Variants in TMEM74 observed in about 807,000 individuals in gnomAD.
TMEM74 encodes transmembrane protein 74.
TMEM74 carries 13 observed loss-of-function variants against 18.1 expected under a neutral mutation model. The observed-to-expected ratio is 0.72, with a 90% CI of 0.47 to 1.14. The LOEUF (loss-of-function observed/expected upper bound fraction) is 1.14, where lower values mean the gene tolerates loss of function less well. Ranked by LOEUF, TMEM74 falls within the 50% of genes most tolerant of loss-of-function variation. The pLI is 0.00. For synonymous variants in TMEM74, 159 were observed against 146.6 expected (o/e 1.08, Z -0.61); for missense variants, 372 against 375.9 (o/e 0.99, Z 0.09).
chr8:108,622,263 T>G (rs1586236972), intron 2 of TMEM74, among the ~76,000 whole-genome samples: 2 of 152,072 alleles, frequency 1.3e-5, no homozygotes, highest in African/African-American at 2.4e-5. Flanking sequence ...CCACTACTGA[T>G]GGAACATGGG....
At chr8:108,717,038 A>C (rs902214393) in intron 1 of TMEM74, among the ~76,000 whole-genome samples, 37 of 152,196 alleles carry the variant, frequency 2.4e-4, no homozygotes, top group African/African-American at 8.7e-4. Flanking sequence ...ATAGCTCCAG[A>C]ACATGGGAAA....
intron 2 of TMEM74, among the ~76,000 whole-genome samples, chr8:108,631,309 C>A (rs1296759580): frequency 6.6e-6 from 1 of 151,920 alleles, no homozygotes; most frequent in African/African-American, 2.4e-5. Flanking sequence ...TGTGAAGGAA[C>A]ACAGCCTCCA....
intron 2 of TMEM74, among the ~76,000 whole-genome samples, chr8:108,644,339 T>C (rs1334374989): frequency 6.6e-6 from 1 of 152,126 alleles, no homozygotes; most frequent in Non-Finnish European, 1.5e-5. Flanking sequence ...TTTTACCAGA[T>C]GCAAAAATTA....
intron 1 of TMEM74, among the ~76,000 whole-genome samples, chr8:108,657,002 C>G (rs1812827013): frequency 6.6e-6 from 1 of 151,894 alleles, no homozygotes; most frequent in Non-Finnish European, 1.5e-5. Context: ...AAATGTAAAC[C>G]TCTTTTCTTT....
At chr8:108,667,114 A>G (rs988727564) in intron 1 of TMEM74, among the ~76,000 whole-genome samples, 1 of 152,124 alleles carries the variant, frequency 6.6e-6, no homozygotes, top group Non-Finnish European at 1.5e-5. Context: ...AAAAGAATCT[A>G]TGTGCTTTTC....
chr8:108,784,352 C>G lies in TMEM74; in HGVS notation c.747G>C (p.Leu249Phe), dbSNP rs1209569867. The G allele has an allele frequency of 6.2e-7, 1 of 1,614,066 alleles. No homozygotes were observed. Among genetic ancestry groups the G allele is most frequent in the Non-Finnish European group, 8.5e-7 (1 of 1,180,038 alleles). Reference protein sequence around the residue: ...LTLGGVILSCLLMMSMWKGEL... With the variant: ...LTLGGVILSCFLMMSMWKGEL... ...CCCCCTTCCACATGGACATCATTAA[C>G]AAGCAGGACAGGATGACGCCCCCCA... Residue 249 changes from leucine (L) to phenylalanine (F), a missense_variant, in exon 2 of 2, where the codon TTG becomes TTC. Coordinates refer to ENST00000297459, the MANE Select transcript of TMEM74 (RefSeq NM_153015.3).
intron 2 of TMEM74, among the ~76,000 whole-genome samples, chr8:108,628,722 T>C (rs1403103634): frequency 2.0e-5 from 3 of 152,084 alleles, no homozygotes; most frequent in Non-Finnish European, 4.4e-5. Context: ...TCTGCCATAA[T>C]GGTTGAACTA....
At chr8:108,778,767 C>A (rs1225762386), downstream of TMEM74, among the ~76,000 whole-genome samples, 2 of 152,128 alleles carry the variant, frequency 1.3e-5, no homozygotes, top group Non-Finnish European at 2.9e-5. Context: ...ATACTTGTTT[C>A]TCACCTAAAA....
chr8:108,633,254 G>A (rs938128695), intron 2 of TMEM74, among the ~76,000 whole-genome samples: 5 of 151,834 alleles, frequency 3.3e-5, no homozygotes, highest in East Asian at 3.9e-4. Flanking sequence ...ATTTCTTTAT[G>A]AGCCATCATT....
At chr8:108,694,754 G>C (rs1813264090) in intron 1 of TMEM74, among the ~76,000 whole-genome samples, 1 of 152,192 alleles carries the variant, frequency 6.6e-6, no homozygotes, top group South Asian at 2.1e-4. Flanking sequence ...ATAAGGATTT[G>C]ACCGTACACA....
At chr8:108,769,168 A>G (rs1217386122) in intron 1 of TMEM74, among the ~76,000 whole-genome samples, 2 of 151,768 alleles carry the variant, frequency 1.3e-5, no homozygotes, top group African/African-American at 4.8e-5. Flanking sequence ...ACTACTAAAA[A>G]AAAAAAAAAA....
intron 1 of TMEM74, among the ~76,000 whole-genome samples, chr8:108,735,154 G>A (rs920675391): frequency 3.3e-5 from 5 of 152,088 alleles, no homozygotes; most frequent in African/African-American, 7.2e-5. Context: ...CCACTTCTGC[G>A]TCTTCATGAT....
intron 2 of TMEM74, among the ~76,000 whole-genome samples, chr8:108,612,287 A>T (rs977748654): frequency 2.0e-5 from 3 of 152,272 alleles, no homozygotes; most frequent in East Asian, 1.9e-4. Flanking sequence ...CTTGATGTTA[A>T]AGATATTAAA....
At chr8:108,612,119 C>T (rs1007697147) in intron 2 of TMEM74, among the ~76,000 whole-genome samples, 34 of 152,150 alleles carry the variant, frequency 2.2e-4, no homozygotes, top group African/African-American at 6.7e-4. Flanking sequence ...GCCCCTTCCA[C>T]GACATTTGGG....
At chr8:108,655,110 A>T (rs972341636) in intron 2 of TMEM74, among the ~76,000 whole-genome samples, 2 of 152,140 alleles carry the variant, frequency 1.3e-5, no homozygotes, top group African/African-American at 4.8e-5. Flanking sequence ...TCATAAGTAA[A>T]TCTTTAGAAG....
chr8:108,655,972 T>C (rs758171003), intron 1 of TMEM74, among the ~76,000 whole-genome samples: 4 of 152,206 alleles, frequency 2.6e-5, no homozygotes, highest in Non-Finnish European at 5.9e-5. Context: ...CTGGGCACAG[T>C]GGCTCATGCC....
intron 2 of TMEM74, among the ~76,000 whole-genome samples, chr8:108,644,870 C>T (rs1006505330): frequency 6.6e-6 from 1 of 151,982 alleles, no homozygotes; most frequent in Non-Finnish European, 1.5e-5. Context: ...GGTGAGGCTG[C>T]AGAAAAAAGG....
chr8:108,742,988 T>A (rs1339430543), intron 1 of TMEM74, among the ~76,000 whole-genome samples: 1 of 152,218 alleles, frequency 6.6e-6, no homozygotes, highest in East Asian at 1.9e-4. Flanking sequence ...GACGATTTTT[T>A]TGCATTCAGC....
At chr8:108,623,363 T>C (rs942743324) in intron 2 of TMEM74, among the ~76,000 whole-genome samples, 3 of 152,064 alleles carry the variant, frequency 2.0e-5, no homozygotes, top group Admixed American at 1.3e-4. Context: ...CTGCTGGCTT[T>C]TGTTGGCTTT....
Sources: gnomAD v4.1 joint callset for allele counts (sites outside exome capture counted in the v4.1 genomes callset) on GRCh38, gnomAD v4.1.1 for gene constraint, MANE v1.5 for transcripts, NCBI Gene and HGNC (gene_info 2026-07-23, HGNC 2026-07-21) for gene names.